GRID1: variants seen among roughly 807,000 people sequenced by gnomAD.
GRID1 encodes the protein glutamate receptor ionotropic, delta-1.
GRID1 carries 28 observed loss-of-function variants against 98.0 expected under a neutral mutation model. That is an observed-to-expected ratio of 0.29 (90% CI 0.21 to 0.39). GRID1 has a LOEUF of 0.39. Ranked by LOEUF, GRID1 falls within the 10% of genes least tolerant of loss-of-function variation. The pLI is 1.00. For synonymous variants in GRID1, 553 were observed against 538.5 expected, an observed-to-expected ratio of 1.03 and a Z score of -0.37; for missense variants, 1,111 against 1,340.5, an observed-to-expected ratio of 0.83 and a Z score of 2.67.
chr10:85,944,130 A>G (rs953065873), intron 4 of GRID1, among the ~76,000 whole-genome samples: 3 of 152,338 alleles, frequency 2.0e-5, no homozygotes, highest in Middle Eastern at 3.4e-3. Context: ...ACTGACCAGT[A>G]GCTGACCACA....
intron 2 of GRID1, among the ~76,000 whole-genome samples, chr10:86,247,143 T>C (rs1452294730): frequency 6.6e-6 from 1 of 152,050 alleles, no homozygotes; most frequent in Non-Finnish European, 1.5e-5. Flanking sequence ...GGTAGGTGGA[T>C]GGATGGATGA....
At chr10:85,935,007 A>G (rs1183728944) in intron 4 of GRID1, among the ~76,000 whole-genome samples, 1 of 152,248 alleles carries the variant, frequency 6.6e-6, no homozygotes, top group Admixed American at 6.5e-5. Flanking sequence ...CCAGGTATAG[A>G]CTTCATAGAA....
chr10:86,334,635 C>T (rs1167679984), intron 2 of GRID1, among the ~76,000 whole-genome samples: 1 of 152,184 alleles, frequency 6.6e-6, no homozygotes, highest in Non-Finnish European at 1.5e-5. Flanking sequence ...CCTTCAAAAC[C>T]CAATTCTGAC....
chr10:85,771,112 A>T (rs1842261028), intron 8 of GRID1, among the ~76,000 whole-genome samples: 1 of 152,254 alleles, frequency 6.6e-6, no homozygotes, highest in South Asian at 2.1e-4. Context: ...CATCAGACTA[A>T]CATCGGATCT....
intron 8 of GRID1, among the ~76,000 whole-genome samples, chr10:85,776,413 T>C (rs1176558325): frequency 1.3e-5 from 2 of 152,164 alleles, no homozygotes; most frequent in African/African-American, 4.8e-5. Flanking sequence ...ACTAAATAAA[T>C]ATGAAATACT....
At chr10:86,064,771 C>T (rs984003075) in intron 4 of GRID1, among the ~76,000 whole-genome samples, 1 of 152,160 alleles carries the variant, frequency 6.6e-6, no homozygotes, top group Non-Finnish European at 1.5e-5. Flanking sequence ...TTATTCCAGG[C>T]ATTTGCACCT....
intron 8 of GRID1, among the ~76,000 whole-genome samples, chr10:85,771,117 G>A (rs990726395): frequency 5.3e-5 from 8 of 152,160 alleles, no homozygotes; most frequent in East Asian, 3.8e-4. Context: ...GACTAACATC[G>A]GATCTCTCGG....
chr10:85,736,342 G>A (rs970899325), intron 8 of GRID1, among the ~76,000 whole-genome samples: 10 of 151,996 alleles, frequency 6.6e-5, no homozygotes, highest in African/African-American at 1.9e-4. Context: ...AAAAAGGAAG[G>A]AATGAAGGAA....
At chr10:86,267,344 T>C (rs1022317670) in intron 2 of GRID1, among the ~76,000 whole-genome samples, 39 of 152,174 alleles carry the variant, frequency 2.6e-4, no homozygotes, top group African/African-American at 4.8e-5. Context: ...TACGGTCCCA[T>C]TCAACAAGGA....
At chr10:85,990,331 A>G (rs1194529762) in intron 4 of GRID1, among the ~76,000 whole-genome samples, 1 of 152,168 alleles carries the variant, frequency 6.6e-6, no homozygotes, top group Non-Finnish European at 1.5e-5. Flanking sequence ...CTTACACTCA[A>G]CAGGTATTTA....
intron 8 of GRID1, among the ~76,000 whole-genome samples, chr10:85,743,711 CAATT>C (rs575333971): frequency 1.4e-3 from 218 of 151,992 alleles, no homozygotes; most frequent in African/African-American, 5.0e-3. Context: ...GTAAAAGCCA[CAATT>C]AATTTTGCAC....
intron 4 of GRID1, among the ~76,000 whole-genome samples, chr10:85,944,003 C>A (rs1842025603): frequency 6.6e-6 from 1 of 152,212 alleles, no homozygotes; most frequent in Non-Finnish European, 1.5e-5. Context: ...AGGAATCCTG[C>A]CACAGTAGCC....
chr10:85,802,278 T>A (rs1842583773), intron 8 of GRID1, among the ~76,000 whole-genome samples: 1 of 152,100 alleles, frequency 6.6e-6, no homozygotes, highest in Non-Finnish European at 1.5e-5. Flanking sequence ...GAAGAAGAAC[T>A]GGGAGAGAGA....
At chr10:85,713,064 C>T (rs955503035) in intron 12 of GRID1, among the ~76,000 whole-genome samples, 5 of 151,256 alleles carry the variant, frequency 3.3e-5, no homozygotes, top group African/African-American at 1.2e-4. Flanking sequence ...TAATAAAGAT[C>T]GGGGCAGAAA....
At chr10:86,331,720 G>A (rs1589451753) in intron 2 of GRID1, among the ~76,000 whole-genome samples, 2 of 152,222 alleles carry the variant, frequency 1.3e-5, no homozygotes, top group African/African-American at 4.8e-5. Context: ...GGTCCCTGGG[G>A]CAGGTACCAA....
chr10:85,917,259 GT>G (rs563634273), intron 4 of GRID1, among the ~76,000 whole-genome samples: 133 of 151,718 alleles, frequency 8.8e-4, no homozygotes, highest in Non-Finnish European at 1.6e-3. Flanking sequence ...TTGGAGTCCT[GT>G]TTTTTTGTTT....
At chr10:86,050,657 T>A (rs1286852443) in intron 4 of GRID1, among the ~76,000 whole-genome samples, 2 of 152,036 alleles carry the variant, frequency 1.3e-5, no homozygotes, top group African/African-American at 2.4e-5. Context: ...CTATATGAAG[T>A]CAGTCTCTTA....
chr10:86,208,670 T>G (rs1846068037), intron 2 of GRID1, among the ~76,000 whole-genome samples: 1 of 152,206 alleles, frequency 6.6e-6, no homozygotes, highest in Admixed American at 6.5e-5. Flanking sequence ...GAGCCACATG[T>G]TGCCTGTGTT....
intron 3 of GRID1, among the ~76,000 whole-genome samples, chr10:86,168,912 G>GT (rs1156381346): frequency 1.2e-4 from 18 of 152,206 alleles, no homozygotes; most frequent in Non-Finnish European, 2.6e-4. Flanking sequence ...GCTGGACCTT[G>GT]TGAGTTCAGC....
Sources: allele counts gnomAD v4.1 joint callset (sites outside exome capture counted in the v4.1 genomes callset), GRCh38; gene constraint gnomAD v4.1.1; transcripts MANE v1.5; gene names NCBI Gene and HGNC (gene_info 2026-07-23, HGNC 2026-07-21).